The following ZBTB44 variants were observed in gnomAD, a reference collection of about 807,000 sequenced individuals.
ZBTB44 encodes zinc finger and BTB domain-containing protein 44.
ZBTB44 carries 15 observed loss-of-function variants against 54.0 expected under a neutral mutation model. The ratio of observed to expected loss-of-function variants is 0.28; its 90% CI spans 0.19 to 0.43. The LOEUF (loss-of-function observed/expected upper bound fraction) is 0.43, where lower values mean the gene tolerates loss of function less well. ZBTB44 is among the 20% of genes least tolerant of loss of function. ZBTB44 has a pLI of 1.00. For synonymous variants in ZBTB44, 230 were observed against 250.1 expected (o/e 0.92, Z 0.76); for missense variants, 487 against 707.1 (o/e 0.69, Z 3.53).
intron 1 of ZBTB44, among the ~76,000 whole-genome samples, chr11:130,278,052 G>A (rs1025433364): frequency 1.3e-5 from 2 of 151,892 alleles, no homozygotes; most frequent in African/African-American, 4.8e-5. Context: ...AACTTTTAGC[G>A]TTTTTACTGT....
intron 1 of ZBTB44, among the ~76,000 whole-genome samples, chr11:130,271,377 T>C (rs767250006): frequency 1.3e-5 from 2 of 152,260 alleles, no homozygotes; most frequent in Middle Eastern, 3.4e-3. Context: ...AATGGCTGAT[T>C]CCATGTCTCA....
chr11:130,247,707 C>A (rs1937639487), intron 2 of ZBTB44, among the ~76,000 whole-genome samples: 5 of 152,156 alleles, frequency 3.3e-5, no homozygotes, highest in Admixed American at 3.3e-4. Context: ...CACAGATGAA[C>A]TGTGAAAACA....
rs954361091 is a variant in ZBTB44, at chr11:130,229,402, G to A, written c.*2362C>T. On this transcript the variant is annotated 3_prime_UTR_variant, in exon 8 of 8. Coordinates refer to ENST00000357899, the MANE Select transcript of ZBTB44 (RefSeq NM_001301098.2). ...GTCTAAAATGAAACATCCAGAGAGC[G>A]ACTGTTCTTAGTTGAGCCTGGGATT... 1 of 152,074 alleles carries A rather than the reference G, an allele frequency of 6.6e-6. No individual in the cohort carries two copies. Among genetic ancestry groups the A allele is most frequent in the Non-Finnish European group, 1.5e-5 (1 of 68,002 alleles). 9.4% of individuals were successfully genotyped at this position (152,074 alleles called of 1,614,324 possible).
In ZBTB44 at chr11:130,228,469, A is replaced by T. The variant is rs761083197; in HGVS notation, c.*3295T>A. 20 of 152,198 alleles carry T rather than the reference A, an allele frequency of 1.3e-4. No individual in the cohort carries two copies. The highest frequency in any genetic ancestry group is 2.9e-4 in the Non-Finnish European group (20 of 68,036). The allele number at this position is 152,198 out of a possible 1,614,324, so 9.4% of individuals were successfully genotyped here. ...AATTAAATTGGTAACTGAAATAAAA[A>T]ATCGCCTAGAGAAAACACACATAAG... On this transcript the variant is annotated 3_prime_UTR_variant, in exon 8 of 8. Coordinates refer to ENST00000357899, the MANE Select transcript of ZBTB44 (RefSeq NM_001301098.2).
intron 1 of ZBTB44, among the ~76,000 whole-genome samples, chr11:130,281,515 CAAAA>C (rs1187549537): frequency 0.012 from 1,418 of 119,986 alleles, 30 homozygotes; most frequent in African/African-American, 0.043. Context: ...GACCCTGTCT[CAAAA>C]TAAATAAATA....
chr11:130,280,739 G>A (rs1294517013), intron 1 of ZBTB44, among the ~76,000 whole-genome samples: 1 of 152,206 alleles, frequency 6.6e-6, no homozygotes, highest in African/African-American at 2.4e-5. Flanking sequence ...ACTTGTTCCT[G>A]TCATTGATTA....
intron 5 of ZBTB44, among the ~76,000 whole-genome samples, chr11:130,236,387 TAGAG>T (rs1394287888): frequency 6.6e-6 from 1 of 152,208 alleles, no homozygotes; most frequent in African/African-American, 2.4e-5. Flanking sequence ...TATTTTTAAA[TAGAG>T]AGAAGTGGTA....
At chr11:130,296,852 C>A (rs1243114841) in intron 1 of ZBTB44, 1 of 738,860 alleles carries the variant, frequency 1.4e-6, no homozygotes, top group Admixed American at 1.8e-5. Flanking sequence ...ATGTAAATAA[C>A]TTAAATTTGC....
chr11:130,254,451 G>A (rs544639127), intron 2 of ZBTB44, among the ~76,000 whole-genome samples: 10 of 152,334 alleles, frequency 6.6e-5, no homozygotes, highest in African/African-American at 2.2e-4. Context: ...AGACATTTAT[G>A]TAGCCAAAAG....
At chr11:130,250,360 C>A (rs576066272) in intron 2 of ZBTB44, among the ~76,000 whole-genome samples, 7 of 152,330 alleles carry the variant, frequency 4.6e-5, no homozygotes, top group African/African-American at 1.7e-4. Context: ...AACGTCCCTG[C>A]CTGCAGGTTC....
At chr11:130,249,343 G>A (rs1054217716) in intron 2 of ZBTB44, among the ~76,000 whole-genome samples, 1 of 152,196 alleles carries the variant, frequency 6.6e-6, no homozygotes, top group Admixed American at 6.5e-5. Flanking sequence ...AAACTTGGTT[G>A]TATCAACAAA....
At chr11:130,283,244 C>T (rs992728520) in intron 1 of ZBTB44, among the ~76,000 whole-genome samples, 1 of 151,752 alleles carries the variant, frequency 6.6e-6, no homozygotes, top group Non-Finnish European at 1.5e-5. Flanking sequence ...GGCGGTTTTG[C>T]CATGTTGGCT....
At chr11:130,294,942 G>A (rs142811383) in intron 1 of ZBTB44, among the ~76,000 whole-genome samples, 15 of 152,180 alleles carry the variant, frequency 9.9e-5, no homozygotes, top group African/African-American at 3.1e-4. Flanking sequence ...GTTTTTAAGC[G>A]TCCACACCAA....
chr11:130,274,171 T>C (rs1939883429), intron 1 of ZBTB44, among the ~76,000 whole-genome samples: 1 of 152,000 alleles, frequency 6.6e-6, no homozygotes, highest in Non-Finnish European at 1.5e-5. Context: ...CATTCCTAAA[T>C]CCAAAAACCC....
chr11:130,284,619 A>G (rs1278404212), intron 1 of ZBTB44, among the ~76,000 whole-genome samples: 1 of 152,160 alleles, frequency 6.6e-6, no homozygotes, highest in South Asian at 2.1e-4. Context: ...CTGTAATTCC[A>G]GCACTTTGGG....
intron 1 of ZBTB44, among the ~76,000 whole-genome samples, chr11:130,311,263 G>A (rs1250521600): frequency 6.6e-6 from 1 of 151,424 alleles, no homozygotes; most frequent in African/African-American, 2.5e-5. Context: ...CTGAAGTGCA[G>A]TGGGGTATGA....
intron 2 of ZBTB44, among the ~76,000 whole-genome samples, chr11:130,257,019 A>T (rs952480513): frequency 4.6e-5 from 7 of 152,068 alleles, no homozygotes; most frequent in Non-Finnish European, 5.9e-5. Context: ...GTATATTTAG[A>T]AAACCCCACT....
chr11:130,236,257 C>T (rs1383930935), intron 5 of ZBTB44: 6 of 1,274,342 alleles, frequency 4.7e-6, no homozygotes, highest in Non-Finnish European at 6.1e-6. Flanking sequence ...ATTAATATTA[C>T]AAGAATAGAG....
At chr11:130,290,258 C>CA (rs1364438481) in intron 1 of ZBTB44, among the ~76,000 whole-genome samples, 1 of 152,208 alleles carries the variant, frequency 6.6e-6, no homozygotes, top group Non-Finnish European at 1.5e-5. Context: ...ACATAAGCTG[C>CA]AAGAGGCAAG....
Sources: gnomAD v4.1 joint callset for allele counts (sites outside exome capture counted in the v4.1 genomes callset) on GRCh38, gnomAD v4.1.1 for gene constraint, MANE v1.5 for transcripts, NCBI Gene and HGNC (gene_info 2026-07-23, HGNC 2026-07-21) for gene names.